The following BTRC variants were observed in gnomAD, a reference collection of about 807,000 sequenced individuals.
BTRC encodes beta-transducin repeat containing E3 ubiquitin protein ligase.
BTRC carries 42 observed loss-of-function variants against 85.5 expected under a neutral mutation model. The observed-to-expected ratio is 0.49, with a 90% CI of 0.38 to 0.64. The LOEUF (loss-of-function observed/expected upper bound fraction) is 0.64. Ranked by LOEUF, BTRC falls within the 30% of genes least tolerant of loss-of-function variation. The pLI, the probability that BTRC is intolerant of heterozygous loss-of-function variation, is 0.00. For synonymous variants in BTRC, 255 were observed against 263.3 expected, an observed-to-expected ratio of 0.97 and a Z score of 0.30; for missense variants, 594 against 743.5, an observed-to-expected ratio of 0.80 and a Z score of 2.34.
rs187801268 is a variant in BTRC, at chr10:101,365,840, G to A, written c.48+11612G>A. ...TGAATATATATCATAATCGGAAAAAGTAAAATTTAGTATATTGAGTATATG... is the reference window on the plus strand; with the variant it reads ...TGAATATATATCATAATCGGAAAAAATAAAATTTAGTATATTGAGTATATG... On this transcript the variant is annotated intron_variant, in intron 1 of 14. Transcript: ENST00000370187. Among the ~76,000 whole-genome samples the A allele has an allele frequency of 2.6e-5, 4 of 152,078 alleles. No homozygotes were observed. The East Asian group carries it at 7.8e-4, about 29-fold the overall frequency.
chr10:101,444,274 T>C (rs1944766315), intron 2 of BTRC, among the ~76,000 whole-genome samples: 1 of 152,200 alleles, frequency 6.6e-6, no homozygotes, highest in South Asian at 2.1e-4. Flanking sequence ...TTACAATGCC[T>C]CCTACTGGTT....
intron 2 of BTRC, among the ~76,000 whole-genome samples, chr10:101,435,713 A>G (rs1164575198): frequency 6.6e-6 from 1 of 152,156 alleles, no homozygotes; most frequent in Admixed American, 6.6e-5. Context: ...TACATGTCTA[A>G]GAATGGAATT....
chr10:101,453,699 C>T (rs1297369272), intron 2 of BTRC: 1 of 152,190 alleles, frequency 6.6e-6, no homozygotes, highest in Admixed American at 6.5e-5. Context: ...AAATAAGCCA[C>T]TTACTAGGTC....
At chr10:101,410,486 G>C (rs924908042) in intron 1 of BTRC, among the ~76,000 whole-genome samples, 2 of 151,966 alleles carry the variant, frequency 1.3e-5, no homozygotes, top group African/African-American at 4.8e-5. Flanking sequence ...ACGATGATGC[G>C]TGCCTGTAAT....
At chr10:101,482,628 G>A (rs759032610) in intron 4 of BTRC, among the ~76,000 whole-genome samples, 8 of 151,096 alleles carry the variant, frequency 5.3e-5, no homozygotes, top group South Asian at 2.1e-4. Context: ...ATCTCCTGAC[G>A]TCGTGATCCG....
intron 5 of BTRC, among the ~76,000 whole-genome samples, chr10:101,522,095 T>C (rs1486776838): frequency 7.6e-6 from 1 of 132,422 alleles, no homozygotes; most frequent in Non-Finnish European, 1.6e-5. Context: ...TGCAGTGGTG[T>C]GATCTCAGCT....
chr10:101,359,013 A>G (rs377580727), intron 1 of BTRC, among the ~76,000 whole-genome samples: 1 of 152,212 alleles, frequency 6.6e-6, no homozygotes, highest in Non-Finnish European at 1.5e-5. Flanking sequence ...TTTGTGGGTC[A>G]TAATGCTAGG....
chr10:101,441,075 G>A (rs962099150), intron 2 of BTRC, among the ~76,000 whole-genome samples: 5 of 152,182 alleles, frequency 3.3e-5, no homozygotes, highest in African/African-American at 1.2e-4. Flanking sequence ...TTGACTCAGT[G>A]GGGGAGTTTT....
chr10:101,541,678 C>G (rs953510476), intron 13 of BTRC, among the ~76,000 whole-genome samples: 1 of 152,128 alleles, frequency 6.6e-6, no homozygotes, highest in African/African-American at 2.4e-5. Context: ...TATCTACATC[C>G]ATTGAGATAA....
chr10:101,524,173 A>C (rs1020615453), intron 5 of BTRC, among the ~76,000 whole-genome samples: 3 of 152,198 alleles, frequency 2.0e-5, no homozygotes, highest in African/African-American at 7.2e-5. Context: ...CTTAGGAATA[A>C]CCACTATAAA....
chr10:101,507,261 G>T (rs988615479), intron 4 of BTRC, among the ~76,000 whole-genome samples: 14 of 152,054 alleles, frequency 9.2e-5, no homozygotes, highest in Admixed American at 2.0e-4. Flanking sequence ...ATAAGCTGTC[G>T]GTTGATTTTT....
At chr10:101,371,897 C>A (rs983464607) in intron 1 of BTRC, among the ~76,000 whole-genome samples, 5 of 152,050 alleles carry the variant, frequency 3.3e-5, no homozygotes, top group African/African-American at 9.7e-5. Flanking sequence ...GAGGGAGGCA[C>A]ACCTCACACA....
intron 1 of BTRC, among the ~76,000 whole-genome samples, chr10:101,369,605 A>C (rs1942575529): frequency 6.6e-6 from 1 of 152,178 alleles, no homozygotes; most frequent in South Asian, 2.1e-4. Context: ...GACATGTAGA[A>C]GTCCAGATCT....
intron 1 of BTRC, among the ~76,000 whole-genome samples, chr10:101,411,272 G>T (rs1447638208): frequency 6.6e-6 from 1 of 151,862 alleles, no homozygotes; most frequent in Admixed American, 6.6e-5. Context: ...GGGATTACAG[G>T]CATGAGCCAC....
rs754113516 is a variant in BTRC, at chr10:101,549,267, C to CAA, written c.1657-1416_1657-1415dup. ...GGGCAACAAAAAGACCTAATCTCTA[C>CAA]AAAAAAAAAAAAAAAAAGCCAGGTG... is the stretch of plus-strand genomic sequence containing the variant. On this transcript the variant is annotated intron_variant, in intron 13 of 14. Coordinates refer to ENST00000370187, the MANE Select transcript of BTRC (RefSeq NM_033637.4). 9.2e-3 allele frequency among the ~76,000 whole-genome samples: 395 copies of CAA among 43,044 alleles called. 17 individuals carry two copies. Among genetic ancestry groups the CAA allele is most frequent in the Admixed American group, 0.08 (359 of 4,514 alleles). The allele number at this position is 43,044 out of a possible 152,430, so 28.2% of individuals were successfully genotyped here.
At chr10:101,404,020 A>T (rs1564750224) in intron 1 of BTRC, among the ~76,000 whole-genome samples, 7 of 24,562 alleles carry the variant, frequency 2.8e-4, no homozygotes, top group Non-Finnish European at 5.2e-4. Context: ...ATATATATAT[A>T]TATATATATA....
chr10:101,448,372 C>T (rs1944879711), intron 2 of BTRC, among the ~76,000 whole-genome samples: 1 of 152,084 alleles, frequency 6.6e-6, no homozygotes, highest in South Asian at 2.1e-4. Context: ...TAAAATTAGC[C>T]ATCCTTCCCA....
At chr10:101,364,451 A>G (rs909095677) in intron 1 of BTRC, among the ~76,000 whole-genome samples, 1 of 152,176 alleles carries the variant, frequency 6.6e-6, no homozygotes, top group Non-Finnish European at 1.5e-5. Context: ...CAGAGTTTAC[A>G]TCAAGGTCAT....
intron 1 of BTRC, among the ~76,000 whole-genome samples, chr10:101,365,579 A>G (rs990445997): frequency 6.6e-6 from 1 of 150,402 alleles, no homozygotes; most frequent in East Asian, 2.0e-4. Context: ...GGGTTCAAGC[A>G]ATTCTCCTGC....
Sources: allele counts gnomAD v4.1 joint callset (sites outside exome capture counted in the v4.1 genomes callset), GRCh38; gene constraint gnomAD v4.1.1; transcripts MANE v1.5; gene names NCBI Gene and HGNC (gene_info 2026-07-23, HGNC 2026-07-21).